DPY19L2: variants seen among roughly 807,000 people sequenced by gnomAD.
The protein encoded by DPY19L2 is dpy-19 like 2.
Under a neutral mutation model 97.9 loss-of-function variants are expected in DPY19L2, and 34 were observed. That is an observed-to-expected ratio of 0.35 (90% CI 0.26 to 0.46). The LOEUF is 0.46. Among genes scored for constraint, DPY19L2 ranks in the 20% least tolerant of loss-of-function variants. The probability of loss-of-function intolerance (pLI) is 1.00; values close to 1 mark genes in which losing one functional copy is unlikely to be tolerated. For synonymous variants in DPY19L2, 230 were observed against 307.9 expected (o/e 0.75, Z 2.65); for missense variants, 623 against 911.4 (o/e 0.68, Z 4.07).
intron 3 of DPY19L2, among the ~76,000 whole-genome samples, chr12:63,662,705 A>C (rs573363966): frequency 1.6e-3 from 250 of 152,308 alleles, no homozygotes; most frequent in African/African-American, 5.7e-3. Flanking sequence ...GCGATCTGTC[A>C]CCAAAGTCCA....
chr12:63,659,672 A>G (rs1174261914), intron 4 of DPY19L2, among the ~76,000 whole-genome samples: 1 of 152,194 alleles, frequency 6.6e-6, no homozygotes, highest in Non-Finnish European at 1.5e-5. Context: ...TAATGTGGTC[A>G]ATCAATTTTC....
At chr12:63,593,946 A>C (rs1349515711) in intron 16 of DPY19L2, 141 bp downstream of exon 16, 11 of 522,820 alleles carry the variant, frequency 2.1e-5, no homozygotes, top group Non-Finnish European at 3.3e-5. Context: ...ATTTTTAAGG[A>C]AACATTTAAG....
intron 7 of DPY19L2, 70 bp downstream of exon 7, chr12:63,626,399 T>C (rs1592622314): frequency 1.4e-6 from 2 of 1,436,770 alleles, no homozygotes; most frequent in Non-Finnish European, 1.9e-6. Flanking sequence ...AATATTGTTT[T>C]GATGAGTATA....
In DPY19L2 at chr12:63,663,690, T is replaced by C. The variant is rs1256067074; in HGVS notation, c.450+68A>G. On this transcript the variant is annotated intron_variant, in intron 3 of 21. Coordinates refer to ENST00000324472, the MANE Select transcript of DPY19L2 (RefSeq NM_173812.5). ...ACCAGAAGTTCATTTCAATTCCTAA[T>C]ACATTTCTACCTCATAGTCTCGCTA... is the stretch of plus-strand genomic sequence containing the variant. The C allele has an allele frequency of 2.2e-5, 30 of 1,352,560 alleles. 1 individual carries two copies. The Middle Eastern group carries it at 4.1e-3, about 187-fold the overall frequency. 83.8% of individuals were successfully genotyped at this position (1,352,560 alleles called of 1,614,324 possible). A position where few individuals can be genotyped will look rare whatever the true frequency, so the allele number is the denominator to read the frequency against.
intron 21 of DPY19L2, among the ~76,000 whole-genome samples, chr12:63,561,776 A>G (rs1876566716): frequency 6.6e-6 from 1 of 151,640 alleles, no homozygotes; most frequent in African/African-American, 2.4e-5. Context: ...ATATGTTATC[A>G]TTTCTCTTAG....
rs377163091 is a variant in DPY19L2 at position 63,581,641 on chromosome 12, G to A, written c.1725+765C>T. On this transcript the variant is annotated intron_variant, in intron 18 of 21. Transcript: ENST00000324472. The stretch of plus-strand genomic sequence containing the variant: ...TGGGATTACAGGCACACACCACCAT[G>A]CCCGGCTAATTTTTGTATTTTAATA... 5.8e-3 allele frequency among the ~76,000 whole-genome samples: 841 copies of A among 146,232 alleles called. 6 individuals carry two copies. The highest frequency in any genetic ancestry group is 0.021 in the African/African-American group (799 of 38,664).
chr12:63,641,348 T>C (rs1892670380), intron 6 of DPY19L2, among the ~76,000 whole-genome samples: 3 of 152,146 alleles, frequency 2.0e-5, no homozygotes, highest in East Asian at 1.9e-4. Context: ...TTCTAGCTCA[T>C]AGATCTATTG....
At chr12:63,651,307 G>A (rs963986128) in intron 4 of DPY19L2, among the ~76,000 whole-genome samples, 1 of 152,018 alleles carries the variant, frequency 6.6e-6, no homozygotes, top group Admixed American at 6.6e-5. Context: ...AACCCTAGAA[G>A]AAAACAGAAA....
At chr12:63,648,105 GAC>G (rs1382288778) in intron 4 of DPY19L2, among the ~76,000 whole-genome samples, 1 of 152,078 alleles carries the variant, frequency 6.6e-6, no homozygotes, top group East Asian at 1.9e-4. Flanking sequence ...GCCGTGTGAG[GAC>G]ACAGTGTTCC....
chr12:63,565,050 A>G (rs564867707), intron 21 of DPY19L2, among the ~76,000 whole-genome samples: 3 of 152,288 alleles, frequency 2.0e-5, no homozygotes, highest in African/African-American at 7.2e-5. Flanking sequence ...GCTTTCACTG[A>G]CAAGTAGTAG....
chr12:63,615,599 G>A (rs531006846), intron 11 of DPY19L2, among the ~76,000 whole-genome samples: 1 of 152,290 alleles, frequency 6.6e-6, no homozygotes, highest in East Asian at 1.9e-4. Context: ...TTCTATGACT[G>A]TGGTTCTTCA....
chr12:63,570,713 G>A, intron 20 of DPY19L2, 45 bp downstream of exon 20: 1 of 1,490,922 alleles, frequency 6.7e-7, no homozygotes, highest in Non-Finnish European at 9.2e-7. Flanking sequence ...CTAAGAATTG[G>A]GAGTTGCCAA....
At chr12:63,593,785 TATA>T (rs974747278) in intron 16 of DPY19L2, among the ~76,000 whole-genome samples, 1 of 146,684 alleles carries the variant, frequency 6.8e-6, no homozygotes, top group African/African-American at 2.7e-5. Flanking sequence ...AAACTTAAAG[TATA>T]ATAATAAAAA....
At position 63,612,387 on chromosome 12, in the gene DPY19L2, TG is replaced by T. The variant is rs530909200; in HGVS notation, c.1219-3713del. 8.5e-3 allele frequency among the ~76,000 whole-genome samples: 1,289 copies of T among 152,188 alleles called. 10 individuals are homozygous for T. Among genetic ancestry groups the T allele is most frequent in the Non-Finnish European group, 0.014 (974 of 67,926 alleles). On this transcript the variant is annotated intron_variant, in intron 11 of 21. Coordinates refer to ENST00000324472, the MANE Select transcript of DPY19L2 (RefSeq NM_173812.5). The stretch of plus-strand genomic sequence containing the variant: ...CAAATACTTTTCAAAGGTAATTTAC[TG>T]TTTAAGTAAAAACAAAAATTTATTG...
At chr12:63,637,115 C>T (rs1891855398) in intron 6 of DPY19L2, among the ~76,000 whole-genome samples, 1 of 152,138 alleles carries the variant, frequency 6.6e-6, no homozygotes, top group Non-Finnish European at 1.5e-5. Flanking sequence ...CAAACTAGAA[C>T]TCAGGATTAA....
Position 63,667,656 on chromosome 12 carries a change from C to G in DPY19L2, c.337+401G>C, listed in dbSNP as rs182391642. On this transcript the variant is annotated intron_variant, in intron 1 of 21. Transcript: ENST00000324472. ...TCCTCACTTTTCTACTCCCTGCCAT[C>G]TCAGAAAAGGAATTCTCTCTCCTCT... 9.3e-3 allele frequency among the ~76,000 whole-genome samples: 1,419 copies of G among 152,252 alleles called. 15 individuals are homozygous for G. Among genetic ancestry groups the G allele is most frequent in the Non-Finnish European group, 0.016 (1,055 of 67,996 alleles).
intron 18 of DPY19L2, among the ~76,000 whole-genome samples, chr12:63,582,069 G>A (rs1181948517): frequency 1.3e-5 from 2 of 151,732 alleles, no homozygotes; most frequent in Admixed American, 6.6e-5. Flanking sequence ...CCAAAGTGCT[G>A]GGATTACAGG....
At position 63,582,402 on chromosome 12, in the gene DPY19L2, T is replaced by C; in HGVS notation, c.1725+4A>G. 1 of 1,610,470 alleles carries C rather than the reference T, an allele frequency of 6.2e-7. No individual in the cohort carries two copies. The highest frequency in any genetic ancestry group is 8.5e-7 in the Non-Finnish European group (1 of 1,178,706). ...GTATTGTTATACAAGAATGAATCCC[T>C]TACCTGTCGAGAGCATATCAAGGAA... On this transcript the variant is annotated splice_donor_region_variant and intron_variant, in intron 18 of 21. Transcript: ENST00000324472.
intron 21 of DPY19L2, among the ~76,000 whole-genome samples, chr12:63,565,019 G>A (rs1877379185): frequency 6.6e-6 from 1 of 152,028 alleles, no homozygotes; most frequent in Non-Finnish European, 1.5e-5. Context: ...AATATACTTT[G>A]ATGTTATTAC....
Sources: gnomAD v4.1 joint callset for allele counts (sites outside exome capture counted in the v4.1 genomes callset) on GRCh38, gnomAD v4.1.1 for gene constraint, MANE v1.5 for transcripts, NCBI Gene and HGNC (gene_info 2026-07-23, HGNC 2026-07-21) for gene names.